RICTOR: variants seen among roughly 807,000 people sequenced by gnomAD.
RICTOR encodes RPTOR independent companion of MTOR complex 2, also known as rapamycin-insensitive companion of mTOR.
A neutral mutation model predicts 214.9 loss-of-function variants in RICTOR; 49 were observed. The observed-to-expected ratio is 0.23, with a 90% CI of 0.18 to 0.29. The LOEUF is 0.29. Among genes scored for constraint, RICTOR ranks in the 10% least tolerant of loss-of-function variants. The pLI, the probability that RICTOR is intolerant of heterozygous loss-of-function variation, is 1.00. For synonymous variants in RICTOR, 717 were observed against 711.3 expected, an observed-to-expected ratio of 1.01 and a Z score of -0.13; for missense variants, 1,625 against 2,047.0, an observed-to-expected ratio of 0.79 and a Z score of 3.98.
intron 2 of RICTOR, among the ~76,000 whole-genome samples, chr5:39,041,686 G>T (rs893355457): frequency 1.3e-5 from 2 of 152,128 alleles, no homozygotes; most frequent in African/African-American, 4.8e-5. Context: ...GAATCCTAGA[G>T]CAAGTACAGA....
At chr5:39,038,576 G>A (rs1756920449) in intron 2 of RICTOR, among the ~76,000 whole-genome samples, 2 of 152,174 alleles carry the variant, frequency 1.3e-5, no homozygotes, top group Non-Finnish European at 2.9e-5. Flanking sequence ...AAACCCCATT[G>A]TCTCAGCCCA....
chr5:38,976,159 CAATT>C (rs2150050557), intron 9 of RICTOR, among the ~76,000 whole-genome samples: 1 of 152,298 alleles, frequency 6.6e-6, no homozygotes, highest in East Asian at 1.9e-4. Flanking sequence ...ATAGTTATGA[CAATT>C]AAGCAACTGA....
At chr5:38,953,366 G>A in intron 28 of RICTOR, 95 bp downstream of exon 28, 1 of 558,094 alleles carries the variant, frequency 1.8e-6, no homozygotes, top group Admixed American at 3.0e-5. Flanking sequence ...CTAATAAGTA[G>A]TTCCAAAGAA....
At chr5:39,074,304 G>C (rs1224634962) in intron 1 of RICTOR, 25 bp downstream of exon 1, 4 of 1,557,390 alleles carry the variant, frequency 2.6e-6, no homozygotes, top group Middle Eastern at 1.7e-4. Flanking sequence ...CGGGCGGTGG[G>C]GAGTGAGGGT....
At chr5:38,999,091 G>C (rs1019061096) in intron 5 of RICTOR, among the ~76,000 whole-genome samples, 2 of 105,484 alleles carry the variant, frequency 1.9e-5, no homozygotes, top group African/African-American at 7.3e-5. Context: ...CTGAAATTAA[G>C]AATTCATGAG....
chr5:38,999,002 C>T (rs1297819188), intron 5 of RICTOR, among the ~76,000 whole-genome samples: 7 of 121,696 alleles, frequency 5.8e-5, no homozygotes, highest in Admixed American at 3.4e-4. Flanking sequence ...GGCGACAGAG[C>T]GAGACTCCAT....
rs116831842 is a variant in RICTOR, at chr5:39,072,716, T to C, written c.97+1395A>G. ...ACAGAAGTCAAAAGCTTTACATCTT[T>C]CTATACTAATTCTCAAAACCGATCT... On this transcript the variant is annotated intron_variant, in intron 2 of 37. Coordinates refer to ENST00000357387, the MANE Select transcript of RICTOR (RefSeq NM_152756.5). 3.2e-3 allele frequency among the ~76,000 whole-genome samples: 488 copies of C among 152,304 alleles called. 6 individuals are homozygous for C. The highest frequency in any genetic ancestry group is 0.011 in the African/African-American group (471 of 41,572).
chr5:38,950,822 G>C (rs1748714720), intron 30 of RICTOR, 102 bp from the exon 31 acceptor site: 2 of 957,298 alleles, frequency 2.1e-6, no homozygotes, highest in Non-Finnish European at 3.0e-6. Flanking sequence ...TAGTCATCTA[G>C]AGGAAAAAAT....
chr5:39,070,716 C>G (rs953449706), intron 2 of RICTOR, among the ~76,000 whole-genome samples: 14 of 152,172 alleles, frequency 9.2e-5, no homozygotes, highest in Admixed American at 6.5e-4. Flanking sequence ...TTAAAGTATA[C>G]CAGGAGGGGT....
chr5:39,034,423 C>A (rs1030879503), intron 2 of RICTOR, among the ~76,000 whole-genome samples: 1 of 152,228 alleles, frequency 6.6e-6, no homozygotes, highest in Non-Finnish European at 1.5e-5. Flanking sequence ...GCATTTCCAA[C>A]TGAGGTAACG....
At position 38,975,590 on chromosome 5, in the gene RICTOR, G is replaced by A; in HGVS notation, c.836C>T (p.Ala279Val). The A allele has an allele frequency of 6.2e-7, 1 of 1,613,676 alleles. No homozygotes were observed. The highest frequency in any genetic ancestry group is 8.5e-7 in the Non-Finnish European group (1 of 1,179,690). ...TCCCATTTTACTGGCTAGAAATCGT[G>A]CTTCTCTGTCTTCTCTGTTGGGGGT... is the stretch of plus-strand genomic sequence containing the variant. Reference protein sequence around the residue: ...AEGQLKEDREARFLASKMGII... With the variant: ...AEGQLKEDREVRFLASKMGII... Residue 279 changes from alanine (A) to valine (V), a missense_variant, in exon 10 of 38, where the codon GCA becomes GTA. Ala to Val is a moderately conservative substitution (Grantham distance 64). This residue lies in a region of RICTOR where 258 missense variants were observed against 393.7 expected (regional missense o/e 0.66). Transcript: ENST00000357387.
intron 18 of RICTOR, 31 bp from the exon 19 acceptor site, chr5:38,962,392 T>C (rs1260545476): frequency 8.3e-7 from 1 of 1,206,954 alleles, no homozygotes; most frequent in African/African-American, 1.5e-5. Context: ...ATATTACATA[T>C]GTACTTATCA....
At chr5:39,028,418 G>A (rs897096249) in intron 2 of RICTOR, among the ~76,000 whole-genome samples, 19 of 151,952 alleles carry the variant, frequency 1.3e-4, no homozygotes, top group East Asian at 5.8e-4. Context: ...TCCTGACCTC[G>A]TGATCCGCCC....
At chr5:38,944,623 TA>T (rs1443707559) in intron 35 of RICTOR, 54 bp from the exon 36 acceptor site, 6 of 1,429,236 alleles carry the variant, frequency 4.2e-6, no homozygotes, top group Non-Finnish European at 5.7e-6. Flanking sequence ...ATAAAATGAT[TA>T]AAACTCATGA....
chr5:38,958,377 A>G (rs1749493756), intron 24 of RICTOR, 66 bp downstream of exon 24: 5 of 985,242 alleles, frequency 5.1e-6, no homozygotes, highest in Middle Eastern at 2.3e-4. Context: ...ATTTGAATCT[A>G]TCTTTAATAT....
rs1248553730 is a variant in RICTOR, at chr5:38,957,700, A to G, written c.2451T>C (p.Tyr817=). 6.3e-7 allele frequency: 1 copy of G among 1,593,244 alleles called. No individual in the cohort carries two copies. The highest frequency in any genetic ancestry group is 8.6e-7 in the Non-Finnish European group (1 of 1,166,224). ...TTGCTACATAACCTCTTTCATTCAG[A>G]TAGGAAAATCCTTTTGGAATGGAGA... ...RFLSIPKGFS[Y]LNERGYVAKQ... Residue 817 remains tyrosine (Y), a synonymous_variant, in exon 25 of 38, where the codon TAT becomes TAC. Coordinates refer to ENST00000357387, the MANE Select transcript of RICTOR (RefSeq NM_152756.5).
At chr5:38,994,329 C>G (rs565381999) in intron 6 of RICTOR, among the ~76,000 whole-genome samples, 1 of 146,416 alleles carries the variant, frequency 6.8e-6, no homozygotes, top group Non-Finnish European at 1.5e-5. Context: ...ATTCCAAAAC[C>G]CAAAAAAATA....
Position 38,952,240 on chromosome 5 carries a change from G to A in RICTOR, c.3083C>T (p.Ser1028Leu), listed in dbSNP as rs373915162. Residue 1028 changes from serine to leucine, a missense_variant, in exon 30 of 38, where the codon TCA (serine) becomes TTA (leucine). Coordinates refer to ENST00000357387, the MANE Select transcript of RICTOR (RefSeq NM_152756.5). ...IPSTLSLNSE[S>L]TSSRHNSESE... ...TTCACTATTATGTCTAGAGCTGGTTGACTCCGAGTTCAAACTTAGAGTGCT... is the reference window on the plus strand; with the variant it reads ...TTCACTATTATGTCTAGAGCTGGTTAACTCCGAGTTCAAACTTAGAGTGCT... 4 of 1,612,292 alleles carry A rather than the reference G, an allele frequency of 2.5e-6. No individual in the cohort carries two copies. The highest frequency in any genetic ancestry group is 3.4e-6 in the Non-Finnish European group (4 of 1,178,772).
At chr5:38,961,790 G>A (rs1239430706) in intron 19 of RICTOR, among the ~76,000 whole-genome samples, 1 of 152,058 alleles carries the variant, frequency 6.6e-6, no homozygotes, top group Non-Finnish European at 1.5e-5. Context: ...CTCTTTCTGA[G>A]ATCAGTAGTA....
Sources: gnomAD v4.1 joint callset for allele counts (sites outside exome capture counted in the v4.1 genomes callset) on GRCh38, gnomAD v4.1.1 for gene constraint, gnomAD v4.1.1 regional missense constraint, MANE v1.5 for transcripts, NCBI Gene and HGNC (gene_info 2026-07-23, HGNC 2026-07-21) for gene names.